Variants in SH3GLB2 observed in about 807,000 individuals in gnomAD.
SH3GLB2 encodes the protein endophilin-B2.
SH3GLB2 carries 24 observed loss-of-function variants against 48.0 expected under a neutral mutation model. The ratio of observed to expected loss-of-function variants is 0.50; its 90% confidence interval spans 0.36 to 0.70. The LOEUF (loss-of-function observed/expected upper bound fraction) is 0.70. Among genes scored for constraint, SH3GLB2 ranks in the 30% least tolerant of loss-of-function variants. The pLI is 0.00. For synonymous variants in SH3GLB2, 227 were observed against 207.6 expected (o/e 1.09, Z -0.80); for missense variants, 425 against 516.0 (o/e 0.82, Z 1.71).
Position 129,008,554 on chromosome 9 carries a change from G to A in SH3GLB2, c.*130C>T. 1.4e-6 allele frequency: 1 copy of A among 699,952 alleles called. No individual in the cohort carries two copies. Among genetic ancestry groups the A allele is most frequent in the Non-Finnish European group, 2.5e-6 (1 of 402,650 alleles). 43.4% of individuals were successfully genotyped at this position (699,952 alleles called of 1,614,324 possible). A position where few individuals can be genotyped will look rare whatever the true frequency, so the allele number is the denominator to read the frequency against. ...GGCACCCTCACAGCTAGGTGACTAG[G>A]GGCAGGGACAGAATGGGGTGAATTC... is the stretch of plus-strand genomic sequence containing the variant. On this transcript the variant is annotated 3_prime_UTR_variant, in exon 11 of 11. Coordinates refer to ENST00000372564, the MANE Select transcript of SH3GLB2 (RefSeq NM_020145.4).
At position 129,028,205 on chromosome 9, in the gene SH3GLB2, CGGCCCA is replaced by C; in HGVS notation, c.-57_-52del. 1 of 1,162,512 alleles carries C rather than the reference CGGCCCA, an allele frequency of 8.6e-7. No individual in the cohort carries two copies. Among genetic ancestry groups the C allele is most frequent in the African/African-American group, 1.6e-5 (1 of 61,290 alleles). The allele number at this position is 1,162,512 out of a possible 1,614,324, so 72.0% of individuals were successfully genotyped here. On this transcript the variant is annotated 5_prime_UTR_variant, in exon 1 of 11. Transcript: ENST00000372564. The stretch of plus-strand genomic sequence containing the variant: ...CGGCCCGAGCGCAGCCGGCAGCCCC[CGGCCCA>C]GCCGCCGCCGCCAACCGCACCCCGC...
chr9:129,012,481 T>C (rs1843184804), intron 5 of SH3GLB2, 183 bp from the exon 6 acceptor site: 1 of 411,312 alleles, frequency 2.4e-6, no homozygotes, highest in African/African-American at 2.1e-5. Context: ...ATGAGGGGCC[T>C]AGGGACTTGG....
chr9:129,015,466 T>C (rs1843365380), intron 3 of SH3GLB2, among the ~76,000 whole-genome samples: 1 of 152,222 alleles, frequency 6.6e-6, no homozygotes, highest in African/African-American at 2.4e-5. Context: ...CTGGATGCTG[T>C]GGCTCACACC....
chr9:129,014,154 G>A lies in SH3GLB2; in HGVS notation c.561+257C>T, dbSNP rs186150590. 10 of 619,676 alleles carry A rather than the reference G, an allele frequency of 1.6e-5. No individual in the cohort carries two copies. Among genetic ancestry groups the A allele is most frequent in the East Asian group, 6.0e-5 (2 of 33,472 alleles). 38.4% of individuals were successfully genotyped at this position (619,676 alleles called of 1,614,324 possible). On this transcript the variant is annotated intron_variant, in intron 5 of 10. Coordinates refer to ENST00000372564, the MANE Select transcript of SH3GLB2 (RefSeq NM_020145.4). The surrounding 1 kb of genome is among the most constrained non-coding windows in gnomAD (Gnocchi z 4.1). ...ATGCAGGAGACTCCAGCTGCCTGGC[G>A]GGGTGGTGCACCCAGCTGGGGGCAC...
intron 1 of SH3GLB2, among the ~76,000 whole-genome samples, chr9:129,027,545 G>A (rs1003186900): frequency 6.6e-6 from 1 of 152,192 alleles, no homozygotes; most frequent in Non-Finnish European, 1.5e-5. Context: ...CCCAGGCCCA[G>A]GGACCAAGGA....
chr9:129,020,206 CAAAA>C (rs60400704), intron 3 of SH3GLB2, among the ~76,000 whole-genome samples: 2 of 22,986 alleles, frequency 8.7e-5, no homozygotes, highest in Non-Finnish European at 1.5e-4. Context: ...ACTCCATCTC[CAAAA>C]AAAAAAAAAA....
Position 129,021,236 on chromosome 9 carries a change from G to C in SH3GLB2, c.206-17C>G, listed in dbSNP as rs536283267. 2.8e-5 allele frequency: 45 copies of C among 1,591,900 alleles called. 2 individuals are homozygous for C. In the South Asian group the frequency reaches 5.1e-4, roughly 18 times the overall value. On this transcript the variant is annotated splice_polypyrimidine_tract_variant and intron_variant, in intron 2 of 10. Transcript: ENST00000372564. ...CTCGGGCACCTGTGGGGAGACAGCA[G>C]CCAAAGCCACAGGGCTCCTTAGTTC...
chr9:129,009,594 G>A lies in SH3GLB2; in HGVS notation c.839+177C>T, dbSNP rs756253651. The stretch of plus-strand genomic sequence containing the variant: ...GGGGCTCCAGGGGACTTGGCCGTCA[G>A]TAAGGCCAGCCACTCCACCCTCATA... On this transcript the variant is annotated intron_variant, in intron 9 of 10. Coordinates refer to ENST00000372564, the MANE Select transcript of SH3GLB2 (RefSeq NM_020145.4). 3.3e-4 allele frequency: 489 copies of A among 1,496,854 alleles called. 5 individuals carry two copies. Among genetic ancestry groups the A allele is most frequent in the Middle Eastern group, 1.2e-3 (5 of 4,260 alleles). 92.7% of individuals were successfully genotyped at this position (1,496,854 alleles called of 1,614,324 possible).
chr9:129,022,837 G>C (rs530085419), intron 1 of SH3GLB2, among the ~76,000 whole-genome samples: 7 of 152,312 alleles, frequency 4.6e-5, no homozygotes, highest in African/African-American at 7.2e-5. Flanking sequence ...AGGGTCTGGG[G>C]TTATCAGGGG....
intron 9 of SH3GLB2, 60 bp from the exon 10 acceptor site, chr9:129,009,406 C>CT (rs1157556343): frequency 1.3e-6 from 2 of 1,550,392 alleles, no homozygotes; most frequent in Non-Finnish European, 1.7e-6. Flanking sequence ...CAGAGGCAAA[C>CT]TCCCCTCCCC....
intron 7 of SH3GLB2, 156 bp from the exon 8 acceptor site, chr9:129,010,365 C>T: frequency 1.5e-6 from 1 of 674,640 alleles, no homozygotes; most frequent in South Asian, 1.9e-5. Context: ...GGAGCCCCAA[C>T]CCCAGAGAAG....
At chr9:129,013,211 A>C (rs1167477444) in intron 5 of SH3GLB2, 2 of 615,324 alleles carry the variant, frequency 3.3e-6, no homozygotes, top group African/African-American at 3.7e-5. Flanking sequence ...AGAGCTGTGG[A>C]GCTTGAGTCC....
chr9:129,016,692 C>T (rs544832298), intron 3 of SH3GLB2, among the ~76,000 whole-genome samples: 1 of 151,586 alleles, frequency 6.6e-6, no homozygotes, highest in South Asian at 2.1e-4. Flanking sequence ...CATGAATGGG[C>T]TGAAAAAAGT....
rs374576844 is a variant in SH3GLB2, at chr9:129,024,519, T to G, written c.64-2096A>C. On this transcript the variant is annotated intron_variant, in intron 1 of 10. Transcript: ENST00000372564. ...GAGCTTGCAATGAGCATCGCCCCACTGCACTCCAGCCTGGGCCACAGAGTG... is the reference window on the plus strand; with the variant it reads ...GAGCTTGCAATGAGCATCGCCCCACGGCACTCCAGCCTGGGCCACAGAGTG... 3.4e-5 allele frequency among the ~76,000 whole-genome samples: 5 copies of G among 145,000 alleles called. No individual in the cohort carries two copies. In the South Asian group the frequency reaches 6.5e-4, roughly 19 times the overall value.
intron 1 of SH3GLB2, among the ~76,000 whole-genome samples, chr9:129,023,202 G>A (rs1168867153): frequency 6.6e-6 from 1 of 152,164 alleles, no homozygotes; most frequent in African/African-American, 2.4e-5. Context: ...TGGCCAAACG[G>A]TTGGCTTTGG....
rs201505428 is a variant in SH3GLB2 at position 129,021,155 on chromosome 9, G to A, written c.270C>T (p.Asn90=). Residue 90 remains asparagine (N), a synonymous_variant, in exon 3 of 11, where the codon AAC becomes AAT. Transcript: ENST00000372564. ...LDRKVPSRVT[N]GELLAQYMAD... ...CCATGTACTGAGCCAGCAGCTCCCC[G>A]TTGGTGACCCTTGAGGGGACCTTCC... The A allele has an allele frequency of 8.2e-5, 133 of 1,612,242 alleles. No individual in the cohort carries two copies. Among genetic ancestry groups the A allele is most frequent in the East Asian group, 1.3e-4 (6 of 44,844 alleles).
chr9:129,009,956 C>A, intron 8 of SH3GLB2, 85 bp from the exon 9 acceptor site: 3 of 1,438,700 alleles, frequency 2.1e-6, no homozygotes, highest in South Asian at 1.2e-5. Context: ...CTCTACCAGA[C>A]CTTGCTCCGG....
chr9:129,009,978 G>T, intron 8 of SH3GLB2, 107 bp from the exon 9 acceptor site: 1 of 1,370,598 alleles, frequency 7.3e-7, no homozygotes, highest in Non-Finnish European at 1.0e-6. Context: ...ATTCCAGGGT[G>T]CCCTGCCCCT....
chr9:129,023,690 G>A (rs73672310), intron 1 of SH3GLB2, among the ~76,000 whole-genome samples: 4,843 of 152,198 alleles, frequency 0.032, 242 homozygotes, highest in African/African-American at 0.11. Flanking sequence ...GGGGGGTGGC[G>A]GGCTGGGCGG....
Sources: gnomAD v4.1 joint callset for allele counts (sites outside exome capture counted in the v4.1 genomes callset) on GRCh38, gnomAD v4.1.1 for gene constraint, Gnocchi (gnomAD v3.1) non-coding constraint, MANE v1.5 for transcripts, NCBI Gene and HGNC (gene_info 2026-07-23, HGNC 2026-07-21) for gene names.